BPTF: variants seen among roughly 807,000 people sequenced by gnomAD.
BPTF encodes the protein bromodomain PHD finger transcription factor.
BPTF carries 18 observed loss-of-function variants against 292.5 expected under a neutral mutation model. That is an observed-to-expected ratio of 0.06 (90% CI 0.04 to 0.09). The LOEUF is 0.09. Among genes scored for constraint, BPTF ranks in the 10% least tolerant of loss-of-function variants. BPTF has a pLI of 1.00. For missense variants in BPTF, 2,726 were observed against 3,498.7 expected (o/e 0.78, Z 5.57); for synonymous variants, 1,225 against 1,251.9 (o/e 0.98, Z 0.45).
chr17:67,946,661 T>A (rs1206179081), intron 21 of BPTF, among the ~76,000 whole-genome samples: 7 of 152,220 alleles, frequency 4.6e-5, no homozygotes, highest in Non-Finnish European at 1.0e-4. Flanking sequence ...TTATAGCAAT[T>A]CCTTTAAAGT....
intron 2 of BPTF, among the ~76,000 whole-genome samples, chr17:67,860,475 G>C (rs2059009922): frequency 6.6e-6 from 1 of 152,124 alleles, no homozygotes; most frequent in South Asian, 2.1e-4. Flanking sequence ...GATTAGTGAA[G>C]CTTATAATAA....
intron 24 of BPTF, among the ~76,000 whole-genome samples, chr17:67,961,386 G>A (rs1436421168): frequency 6.6e-6 from 1 of 152,064 alleles, no homozygotes; most frequent in Non-Finnish European, 1.5e-5. Context: ...GTAATCTCTT[G>A]TCCCAAACTA....
In BPTF at chr17:67,946,157, T is replaced by C. The variant is rs782031389; in HGVS notation, c.7449T>C (p.Thr2483=). 7.4e-6 allele frequency: 12 copies of C among 1,614,046 alleles called. No individual in the cohort carries two copies. The highest frequency in any genetic ancestry group is 1.1e-5 in the South Asian group (1 of 91,082). The change falls in exon 21 of 28, where the codon ACT becomes ACC. Residue 2483 remains threonine, a synonymous_variant. Transcript: ENST00000306378. ...TTCAGCAAAGCAGTGCTGTGCAGAC[T>C]CACCAGATTCAGAATGTGGTTACAG... ...IQIQQSSAVQ[T]HQIQNVVTVQ...
chr17:67,982,195 T>C lies in BPTF; in HGVS notation c.8727-57T>C, dbSNP rs1555696963. On this transcript the variant is annotated intron_variant, in intron 27 of 27. Coordinates refer to ENST00000306378, the MANE Select transcript of BPTF (RefSeq NM_182641.4). Reference sequence around the variant, plus strand: ...CTGACCTTGGCATCCGCATAAAGCATCATTGTTTTCAAAAATGAAGGGTGC... The same window carrying C: ...CTGACCTTGGCATCCGCATAAAGCACCATTGTTTTCAAAAATGAAGGGTGC... The C allele has an allele frequency of 4.7e-6, 7 of 1,499,376 alleles. No homozygotes were observed. The East Asian group carries it at 1.1e-4, about 24-fold the overall frequency. 92.9% of individuals were successfully genotyped at this position (1,499,376 alleles called of 1,614,324 possible).
intron 12 of BPTF, among the ~76,000 whole-genome samples, chr17:67,919,582 G>A (rs936496979): frequency 6.6e-6 from 1 of 152,040 alleles, no homozygotes; most frequent in African/African-American, 2.4e-5. Flanking sequence ...TTGAAGTTTG[G>A]CACATGCTAT....
chr17:67,859,033 T>G (rs1276876521), intron 2 of BPTF, among the ~76,000 whole-genome samples: 1 of 152,244 alleles, frequency 6.6e-6, no homozygotes, highest in Non-Finnish European at 1.5e-5. Context: ...CAACATTTAT[T>G]GAGCACTTCA....
At chr17:67,828,417 C>T (rs895872539) in intron 1 of BPTF, among the ~76,000 whole-genome samples, 4 of 152,168 alleles carry the variant, frequency 2.6e-5, no homozygotes, top group Admixed American at 2.6e-4. Flanking sequence ...TATTCGAAGG[C>T]ATAGCAAATA....
chr17:67,851,097 C>T (rs2058367901), intron 1 of BPTF, among the ~76,000 whole-genome samples: 1 of 152,128 alleles, frequency 6.6e-6, no homozygotes, highest in Admixed American at 6.5e-5. Flanking sequence ...GCCTGGGCTC[C>T]AGAGTCGGCC....
rs576755728 is a variant in BPTF at position 67,981,827 on chromosome 17, G to A, written c.8727-425G>A. On this transcript the variant is annotated intron_variant, in intron 27 of 27. Transcript: ENST00000306378. The stretch of plus-strand genomic sequence containing the variant: ...AGATTGCTTTTTCTTTTGTTTTAGC[G>A]TAATTTTTCCCTTTATATTCCCCTC... 2.1e-3 allele frequency: 1,498 copies of A among 709,850 alleles called. 24 individuals carry two copies. In the African/African-American group the frequency reaches 0.028, roughly 13 times the overall value. The allele number at this position is 709,850 out of a possible 1,614,324, so 44.0% of individuals were successfully genotyped here.
At chr17:67,903,688 A>AT (rs1568021686) in intron 7 of BPTF, 101 bp from the exon 8 acceptor site, 3 of 1,113,254 alleles carry the variant, frequency 2.7e-6, no homozygotes, top group Non-Finnish European at 2.5e-6. Flanking sequence ...TTGTAGGATT[A>AT]TAACAGTCTG....
chr17:67,843,625 T>C (rs1279384900), intron 1 of BPTF, among the ~76,000 whole-genome samples: 1 of 149,740 alleles, frequency 6.7e-6, no homozygotes, highest in East Asian at 1.9e-4. Context: ...TGTATATATC[T>C]AGATATATAT....
intron 7 of BPTF, among the ~76,000 whole-genome samples, chr17:67,894,941 T>A (rs986566424): frequency 6.6e-6 from 1 of 152,206 alleles, no homozygotes; most frequent in African/African-American, 2.4e-5. Context: ...TAGACTTGCT[T>A]TGTAACTTTA....
At chr17:67,846,161 AATAATT>A (rs1400494685) in intron 1 of BPTF, among the ~76,000 whole-genome samples, 1 of 152,226 alleles carries the variant, frequency 6.6e-6, no homozygotes, top group African/African-American at 2.4e-5. Context: ...ATCCCATTAA[AATAATT>A]ATAAAATAGT....
In BPTF at chr17:67,854,213, G is replaced by A. The variant is rs1296511646; in HGVS notation, c.887G>A (p.Arg296His). Residue 296 changes from arginine (R) to histidine (H), a missense_variant, in exon 2 of 28, where the codon CGT becomes CAT. Arg to His is a conservative substitution (Grantham distance 29, BLOSUM62 0). This residue lies in a region of BPTF where 102 missense variants were observed against 212.6 expected (regional missense o/e 0.48). Coordinates refer to ENST00000306378, the MANE Select transcript of BPTF (RefSeq NM_182641.4). This position sits in a 1 kb window ranked among gnomAD's most constrained non-coding sequence, Gnocchi z 5.6. ...MHVVLLKAVL[R>H]EEDTSNTTFG... Reference sequence around the variant, plus strand: ...GTTGTGCTTTTGAAAGCAGTTCTGCGTGAAGAAGACACTTCCAATACTACC... The same window carrying A: ...GTTGTGCTTTTGAAAGCAGTTCTGCATGAAGAAGACACTTCCAATACTACC... 21 of 1,614,070 alleles carry A rather than the reference G, an allele frequency of 1.3e-5. No homozygotes were observed. Among genetic ancestry groups the A allele is most frequent in the African/African-American group, 2.7e-5 (2 of 74,894 alleles).
intron 26 of BPTF, chr17:67,975,027 A>G (rs2069232180): frequency 6.6e-6 from 1 of 152,188 alleles, no homozygotes; most frequent in African/African-American, 2.4e-5. Flanking sequence ...GAAGCTATCT[A>G]GGGAATTCCA....
chr17:67,830,020 A>G (rs1170604976), intron 1 of BPTF, among the ~76,000 whole-genome samples: 1 of 152,216 alleles, frequency 6.6e-6, no homozygotes, highest in Non-Finnish European at 1.5e-5. Context: ...TGCTTAAGCT[A>G]AAGGCATATC....
chr17:67,914,713 G>T (rs1392757103), intron 11 of BPTF, among the ~76,000 whole-genome samples: 1 of 152,170 alleles, frequency 6.6e-6, no homozygotes, highest in Non-Finnish European at 1.5e-5. Context: ...AACTCTCCAG[G>T]AGAGTTAGGC....
At chr17:67,853,139 A>G (rs1022260162) in intron 1 of BPTF, among the ~76,000 whole-genome samples, 5 of 152,208 alleles carry the variant, frequency 3.3e-5, no homozygotes, top group Non-Finnish European at 5.9e-5. Context: ...ATTAAATGAG[A>G]TAGATACGTT....
chr17:67,920,042 C>T lies in BPTF; in HGVS notation c.5456C>T (p.Thr1819Ile), dbSNP rs2063332246. ...TETSETEITT[T>I]EIIKRRDVGP... ...ACATCCGAAACTGAAATCACAACAA[C>T]AGAAATAATTAAGAGGAGAGATGTT... Residue 1819 changes from threonine (T) to isoleucine (I), a missense_variant, in exon 13 of 28, where the codon ACA becomes ATA. Around this residue, in one of 22 missense-constraint regions of BPTF, gnomAD observed 198 missense variants for 277.1 expected, o/e 0.71. Coordinates refer to ENST00000306378, the MANE Select transcript of BPTF (RefSeq NM_182641.4). The T allele has an allele frequency of 1.2e-6, 2 of 1,611,154 alleles. No individual in the cohort carries two copies. Among genetic ancestry groups the T allele is most frequent in the Non-Finnish European group, 1.7e-6 (2 of 1,178,262 alleles).
Sources: gnomAD v4.1 joint callset for allele counts (sites outside exome capture counted in the v4.1 genomes callset) on GRCh38, gnomAD v4.1.1 for gene constraint, gnomAD v4.1.1 regional missense constraint, Gnocchi (gnomAD v3.1) non-coding constraint, MANE v1.5 for transcripts, NCBI Gene and HGNC (gene_info 2026-07-23, HGNC 2026-07-21) for gene names.